GRIN2A: variants seen among roughly 807,000 people sequenced by gnomAD.
GRIN2A encodes the protein glutamate receptor ionotropic, NMDA 2A.
A neutral mutation model predicts 113.4 loss-of-function variants in GRIN2A; 22 were observed. The observed-to-expected ratio is 0.19, with a 90% confidence interval of 0.14 to 0.28. The LOEUF (loss-of-function observed/expected upper bound fraction) is 0.28, where lower values mean the gene tolerates loss of function less well. Ranked by LOEUF, GRIN2A falls within the 10% of genes least tolerant of loss-of-function variation. GRIN2A has a pLI of 1.00. For synonymous variants in GRIN2A, 827 were observed against 738.4 expected (o/e 1.12, Z -1.94); for missense variants, 1,502 against 1,887.0 (o/e 0.80, Z 3.78).
rs1902445069 is a variant in GRIN2A at position 9,789,336 on chromosome 16, AT to A, written c.2356+8940del. Reference sequence around the variant, plus strand: ...AACAGATTTCAGCCTCATGGTACTAATTTCTGGGCCCCTGAAGGTACAGTCC... The same window carrying A: ...AACAGATTTCAGCCTCATGGTACTAATTCTGGGCCCCTGAAGGTACAGTCC... On this transcript the variant is annotated intron_variant, in intron 11 of 12. Coordinates refer to ENST00000330684, the MANE Select transcript of GRIN2A (RefSeq NM_001134407.3). Among the ~76,000 whole-genome samples the A allele has an allele frequency of 2.6e-5, 4 of 152,226 alleles. No homozygotes were observed. The South Asian group carries it at 8.3e-4, about 32-fold the overall frequency.
chr16:9,991,746 C>T (rs889571646), intron 2 of GRIN2A, among the ~76,000 whole-genome samples: 8 of 152,132 alleles, frequency 5.3e-5, no homozygotes, highest in East Asian at 3.9e-4. Context: ...TCATGTCCTT[C>T]GCAGAGACAT....
chr16:9,772,202 C>G (rs1046225922), intron 11 of GRIN2A, among the ~76,000 whole-genome samples: 17 of 152,144 alleles, frequency 1.1e-4, no homozygotes, highest in African/African-American at 3.6e-4. Context: ...TCATGGGAGA[C>G]TTTGAAATAA....
intron 7 of GRIN2A, among the ~76,000 whole-genome samples, chr16:9,840,000 C>A (rs919229295): frequency 2.6e-5 from 4 of 152,140 alleles, no homozygotes; most frequent in African/African-American, 9.7e-5. Context: ...CACCTATAAT[C>A]CCAGCTACTG....
chr16:9,993,553 A>G (rs2046167944), intron 2 of GRIN2A, among the ~76,000 whole-genome samples: 1 of 152,186 alleles, frequency 6.6e-6, no homozygotes, highest in Non-Finnish European at 1.5e-5. Context: ...GTGAGAACCC[A>G]TCACTAAAAT....
rs547016407 is a variant in GRIN2A, at chr16:10,053,063, A to T, written c.415-114512T>A. On this transcript the variant is annotated intron_variant, in intron 2 of 12. Transcript: ENST00000330684. ...ACTCCATCTCAAAAAAAAAAAAAAA[A>T]TACAGACAGTGAGTCTGAGTAAAAC... Among the ~76,000 whole-genome samples the T allele has an allele frequency of 4.6e-5, 7 of 151,858 alleles. 1 individual carries two copies. The South Asian group carries it at 1.5e-3, about 32-fold the overall frequency.
intron 2 of GRIN2A, among the ~76,000 whole-genome samples, chr16:10,157,237 G>A (rs2049716680): frequency 6.6e-6 from 1 of 152,030 alleles, no homozygotes. Flanking sequence ...AACACCAGAG[G>A]GCCAGGTATA....
intron 2 of GRIN2A, among the ~76,000 whole-genome samples, chr16:10,020,288 G>T (rs1317328500): frequency 6.6e-6 from 1 of 152,136 alleles, no homozygotes; most frequent in Non-Finnish European, 1.5e-5. Flanking sequence ...CGTGGGGCAG[G>T]TGCCTGTAGT....
intron 11 of GRIN2A, among the ~76,000 whole-genome samples, chr16:9,795,228 GAGACAAAAC>G: frequency 6.6e-6 from 1 of 152,264 alleles, no homozygotes; most frequent in Non-Finnish European, 1.5e-5. Flanking sequence ...ACCATGCTGA[GAGACAAAAC>G]AGGTTGCAGT....
At chr16:10,128,204 G>A (rs141421214) in intron 2 of GRIN2A, among the ~76,000 whole-genome samples, 7 of 152,228 alleles carry the variant, frequency 4.6e-5, no homozygotes, top group African/African-American at 9.6e-5. Context: ...CTGCCTATGT[G>A]TCCCTCTTTT....
intron 3 of GRIN2A, among the ~76,000 whole-genome samples, chr16:9,912,943 A>C (rs1287534860): frequency 6.6e-6 from 1 of 152,232 alleles, no homozygotes; most frequent in Non-Finnish European, 1.5e-5. Flanking sequence ...GAAGAGTTTT[A>C]AGGTTATCTA....
At chr16:9,838,639 C>G (rs1157593692) in intron 7 of GRIN2A, among the ~76,000 whole-genome samples, 1 of 152,066 alleles carries the variant, frequency 6.6e-6, no homozygotes, top group Non-Finnish European at 1.5e-5. Context: ...TAACTGTGGA[C>G]CGACAGGTTT....
At chr16:10,130,525 C>T (rs528036207) in intron 2 of GRIN2A, among the ~76,000 whole-genome samples, 1 of 152,322 alleles carries the variant, frequency 6.6e-6, no homozygotes, top group Non-Finnish European at 1.5e-5. Context: ...ACAGACCCAT[C>T]TTCCAAGCCA....
intron 2 of GRIN2A, among the ~76,000 whole-genome samples, chr16:10,071,767 C>G (rs1006272603): frequency 1.8e-4 from 28 of 152,346 alleles, no homozygotes; most frequent in African/African-American, 6.7e-4. Flanking sequence ...CTGCCTGCCA[C>G]TATCACTTCT....
rs1366581711 is a variant in GRIN2A, at chr16:9,785,340, C to CA, written c.2356+12936dup. On this transcript the variant is annotated intron_variant, in intron 11 of 12. Coordinates refer to ENST00000330684, the MANE Select transcript of GRIN2A (RefSeq NM_001134407.3). ...CATTCTCAGCAAACTATCGCAAGGA[C>CA]AAAAAACCAAACACCACATGTTCTT... Among the ~76,000 whole-genome samples, 5 of 148,448 alleles carry CA rather than the reference C, an allele frequency of 3.4e-5. No homozygotes were observed. In the Admixed American group the frequency reaches 3.4e-4, roughly 10 times the overall value.
chr16:9,851,388 C>G (rs1212302894), intron 4 of GRIN2A, among the ~76,000 whole-genome samples: 1 of 152,116 alleles, frequency 6.6e-6, no homozygotes, highest in Non-Finnish European at 1.5e-5. Flanking sequence ...GAATGCTGAG[C>G]GCATCAAATT....
intron 3 of GRIN2A, among the ~76,000 whole-genome samples, chr16:9,910,216 G>A (rs780252363): frequency 6.6e-6 from 1 of 151,986 alleles, no homozygotes; most frequent in South Asian, 2.1e-4. Context: ...AATTTGGGGA[G>A]GTATCTAACT....
At chr16:10,073,323 C>T (rs186342256) in intron 2 of GRIN2A, among the ~76,000 whole-genome samples, 129 of 152,164 alleles carry the variant, frequency 8.5e-4, no homozygotes, top group African/African-American at 2.8e-3. Flanking sequence ...AGGCAAGGCC[C>T]ATGGAAGACA....
At chr16:10,166,197 G>A (rs769274645) in intron 2 of GRIN2A, among the ~76,000 whole-genome samples, 5 of 152,136 alleles carry the variant, frequency 3.3e-5, no homozygotes, top group East Asian at 1.9e-4. Context: ...CTCTTCCTGG[G>A]CAGGTATTCC....
At chr16:9,779,099 G>A (rs1013243654) in intron 11 of GRIN2A, among the ~76,000 whole-genome samples, 7 of 152,182 alleles carry the variant, frequency 4.6e-5, no homozygotes, top group East Asian at 1.9e-4. Flanking sequence ...AGGGAATAGC[G>A]TGCGGGTCAC....
Sources: gnomAD v4.1 joint callset for allele counts (sites outside exome capture counted in the v4.1 genomes callset) on GRCh38, gnomAD v4.1.1 for gene constraint, MANE v1.5 for transcripts, NCBI Gene and HGNC (gene_info 2026-07-23, HGNC 2026-07-21) for gene names.